Variants in PCYT1B observed in about 807,000 individuals in gnomAD.
The protein encoded by PCYT1B is phosphate cytidylyltransferase 1B, choline.
Under a neutral mutation model 26.4 loss-of-function variants are expected in PCYT1B, and 10 were observed. The ratio of observed to expected loss-of-function variants is 0.38; its 90% CI spans 0.23 to 0.64. The LOEUF is 0.64. Among genes scored for constraint, PCYT1B ranks in the 30% least tolerant of loss-of-function variants. PCYT1B has a pLI of 0.56. For synonymous variants in PCYT1B, 131 were observed against 108.4 expected (o/e 1.21, Z -1.29); for missense variants, 161 against 292.7 (o/e 0.55, Z 3.28).
intron 1 of PCYT1B, among the ~76,000 whole-genome samples, chrX:24,620,945 T>C (rs1925683296): frequency 8.9e-6 from 1 of 111,963 alleles, no homozygotes; most frequent in Non-Finnish European, 1.9e-5. Context: ...CGGCCCATCA[T>C]GGCCTCCTCA....
At chrX:24,594,690 C>T (rs1184963869) in intron 3 of PCYT1B, among the ~76,000 whole-genome samples, 1 of 112,196 alleles carries the variant, frequency 8.9e-6, no homozygotes, top group Non-Finnish European at 1.9e-5. Context: ...ACATTAATTA[C>T]GCCCAAAGCA....
intron 1 of PCYT1B, among the ~76,000 whole-genome samples, chrX:24,644,654 A>T (rs904477746): frequency 9.0e-6 from 1 of 111,409 alleles, no homozygotes; most frequent in Non-Finnish European, 1.9e-5. Context: ...CCCTCTCTGA[A>T]CCTCAGTTTC....
chrX:24,626,165 T>C (rs1396509920), intron 1 of PCYT1B, among the ~76,000 whole-genome samples: 7 of 111,744 alleles, frequency 6.3e-5, no homozygotes, highest in Admixed American at 4.8e-4. Flanking sequence ...ACTGTGCTAA[T>C]ATGGTAGCCA....
At chrX:24,598,482 TATACACACAC>T (rs1239035755) in intron 3 of PCYT1B, among the ~76,000 whole-genome samples, 3 of 106,547 alleles carry the variant, frequency 2.8e-5, no homozygotes, top group Non-Finnish European at 3.9e-5. Flanking sequence ...TTGATATATA[TATACACACAC>T]ACACACACAC....
At position 24,561,163 on chromosome X, in the gene PCYT1B, G is replaced by A. The variant is rs1304788306; in HGVS notation, c.*1130C>T. The A allele has an allele frequency of 8.9e-6, 1 of 112,564 alleles. No individual in the cohort carries two copies. The highest frequency in any genetic ancestry group is 3.2e-5 in the African/African-American group (1 of 30,835). The allele number at this position is 112,564 out of a possible 1,213,427, so 9.3% of individuals were successfully genotyped here. A position where few individuals can be genotyped will look rare whatever the true frequency, so the allele number is the denominator to read the frequency against. On this transcript the variant is annotated 3_prime_UTR_variant, in exon 8 of 8. Transcript: ENST00000379144. ...GAATCTGGAATAAGCTTGACAAAGT[G>A]CCCAAGTCACAAGAGAACAGATGTT...
intron 1 of PCYT1B, chrX:24,657,980 A>G (rs760776931): frequency 9.0e-6 from 1 of 111,336 alleles, no homozygotes; most frequent in South Asian, 3.8e-4. Flanking sequence ...ACCCCTAAAG[A>G]GTGGTCTTTC....
Position 24,562,672 on chromosome X carries a change from C to G in PCYT1B, c.898-167G>C, listed in dbSNP as rs62585270. 6.2e-3 allele frequency among the ~76,000 whole-genome samples: 682 copies of G among 110,519 alleles called. 3 individuals are homozygous for G. The highest frequency in any genetic ancestry group is 9.8e-3 in the Non-Finnish European group (517 of 52,807). ...TCCAAGACTATGTATAGTAAGGAACCGAGTGATATTCAGGGGTAGTGACAG... is the reference window on the plus strand; with the variant it reads ...TCCAAGACTATGTATAGTAAGGAACGGAGTGATATTCAGGGGTAGTGACAG... On this transcript the variant is annotated intron_variant, in intron 7 of 7. Transcript: ENST00000379144.
upstream of PCYT1B, chrX:24,647,348 G>A (rs937133067): frequency 8.6e-5 from 76 of 887,768 alleles, no homozygotes; most frequent in Non-Finnish European, 9.6e-5. Flanking sequence ...AGACGACACT[G>A]AAGCGGCTGG....
chrX:24,657,975 T>C (rs1926958141), intron 1 of PCYT1B: 2 of 111,640 alleles, frequency 1.8e-5, no homozygotes, highest in Non-Finnish European at 3.8e-5. Context: ...TGCATACCCC[T>C]AAAGAGTGGT....
chrX:24,623,354 A>G (rs1209367191), intron 1 of PCYT1B, among the ~76,000 whole-genome samples: 1 of 76,756 alleles, frequency 1.3e-5, no homozygotes, highest in East Asian at 3.9e-4. Context: ...TGGTTGGCAC[A>G]TGAGATTTAC....
intron 3 of PCYT1B, among the ~76,000 whole-genome samples, chrX:24,596,999 A>C (rs1924803172): frequency 8.9e-6 from 1 of 111,986 alleles, no homozygotes; most frequent in South Asian, 3.7e-4. Flanking sequence ...AACTTTCCTC[A>C]GTATAGAATT....
At chrX:24,631,072 G>T (rs1487376805) in intron 1 of PCYT1B, among the ~76,000 whole-genome samples, 1 of 111,097 alleles carries the variant, frequency 9.0e-6, no homozygotes, top group Non-Finnish European at 1.9e-5. Flanking sequence ...ACAGGTGCCC[G>T]CCACCATGCC....
intron 1 of PCYT1B, among the ~76,000 whole-genome samples, chrX:24,625,606 T>C (rs1389037184): frequency 9.2e-6 from 1 of 108,171 alleles, no homozygotes; most frequent in Non-Finnish European, 1.9e-5. Context: ...GTACATGTTA[T>C]AAGTAACAGG....
intron 7 of PCYT1B, among the ~76,000 whole-genome samples, chrX:24,574,274 G>A (rs980545565): frequency 1.2e-4 from 13 of 111,193 alleles, no homozygotes; most frequent in African/African-American, 9.8e-5. Flanking sequence ...ACCCTTTAGC[G>A]TCTCTAAAGT....
intron 1 of PCYT1B, among the ~76,000 whole-genome samples, chrX:24,671,024 G>A (rs1927244014): frequency 9.0e-6 from 1 of 110,573 alleles, no homozygotes. Context: ...CTGGAGTGCA[G>A]TGGCATGATC....
chrX:24,616,408 T>G (rs1022411685), intron 2 of PCYT1B, among the ~76,000 whole-genome samples: 41 of 109,435 alleles, frequency 3.7e-4, no homozygotes, highest in African/African-American at 1.1e-3. Flanking sequence ...TGGCTAATTT[T>G]TTGTATTTTT....
At position 24,560,466 on chromosome X, in the gene PCYT1B, CA is replaced by C. The variant is rs1396017794; in HGVS notation, c.*1826del. 8.9e-6 allele frequency: 1 copy of C among 111,989 alleles called. No homozygotes were observed. Among genetic ancestry groups the C allele is most frequent in the African/African-American group, 3.3e-5 (1 of 30,690 alleles). 9.2% of individuals were successfully genotyped at this position (111,989 alleles called of 1,213,427 possible). Reference sequence around the variant, plus strand: ...CAATATTCTGGGTGGCCCTTGACTGCAAAAAGAAGTTTTCTTCTTCACATGC... The same window carrying C: ...CAATATTCTGGGTGGCCCTTGACTGCAAAAGAAGTTTTCTTCTTCACATGC... On this transcript the variant is annotated 3_prime_UTR_variant, in exon 8 of 8. Transcript: ENST00000379144.
In PCYT1B at chrX:24,621,591, C is replaced by T. The variant is rs1054160020; in HGVS notation, c.118-2507G>A. Among the ~76,000 whole-genome samples, 108 of 111,215 alleles carry T rather than the reference C, an allele frequency of 9.7e-4. 1 individual carries two copies. Among genetic ancestry groups the T allele is most frequent in the African/African-American group, 3.4e-3 (104 of 30,674 alleles). ...TCCTGGGTTCAAGTAATTCTCCTGCCTCAGCCTCCCAAGTAGCTGGGACTA... is the reference window on the plus strand; with the variant it reads ...TCCTGGGTTCAAGTAATTCTCCTGCTTCAGCCTCCCAAGTAGCTGGGACTA... On this transcript the variant is annotated intron_variant, in intron 1 of 7. Coordinates refer to ENST00000379144, the MANE Select transcript of PCYT1B (RefSeq NM_004845.5).
intron 7 of PCYT1B, among the ~76,000 whole-genome samples, chrX:24,570,498 C>T (rs1055095087): frequency 1.8e-5 from 2 of 110,204 alleles, no homozygotes; most frequent in African/African-American, 3.3e-5. Context: ...AGGTGATTCA[C>T]CTGCTTCGGC....
Sources: allele counts gnomAD v4.1 joint callset (sites outside exome capture counted in the v4.1 genomes callset), GRCh38; gene constraint gnomAD v4.1.1; transcripts MANE v1.5; gene names NCBI Gene and HGNC (gene_info 2026-07-23, HGNC 2026-07-21).